Variants in NUP210 observed in about 807,000 individuals in gnomAD.
NUP210 encodes nuclear pore membrane glycoprotein 210.
NUP210 carries 151 observed loss-of-function variants against 196.0 expected under a neutral mutation model. That is an observed-to-expected ratio of 0.77 (90% CI 0.67 to 0.88). The LOEUF is 0.88. Ranked by LOEUF, NUP210 falls within the 40% of genes least tolerant of loss-of-function variation. The pLI is 0.00. For missense variants in NUP210, 2,314 were observed against 2,493.7 expected (o/e 0.93, Z 1.53); for synonymous variants, 1,070 against 1,052.7 (o/e 1.02, Z -0.32).
intron 13 of NUP210, among the ~76,000 whole-genome samples, chr3:13,369,585 T>C (rs1208031406): frequency 6.6e-6 from 1 of 152,228 alleles, no homozygotes; most frequent in African/African-American, 2.4e-5. Context: ...TGACTTAATT[T>C]TTGTGTTTGG....
intron 1 of NUP210, among the ~76,000 whole-genome samples, chr3:13,404,627 G>T (rs1699944848): frequency 1.3e-5 from 2 of 152,284 alleles, no homozygotes; most frequent in Middle Eastern, 3.4e-3. Flanking sequence ...CAGAGGCCAG[G>T]CTAGGACACA....
At chr3:13,368,766 CCTT>C (rs1474663423) in intron 13 of NUP210, among the ~76,000 whole-genome samples, 1 of 152,200 alleles carries the variant, frequency 6.6e-6, no homozygotes, top group Non-Finnish European at 1.5e-5. Context: ...GAATTTCCTT[CCTT>C]CTTAAGGCTG....
chr3:13,335,585 T>A lies in NUP210; in HGVS notation c.3712A>T (p.Asn1238Tyr). 2 of 1,614,108 alleles carry A rather than the reference T, an allele frequency of 1.2e-6. No individual in the cohort carries two copies. The highest frequency in any genetic ancestry group is 1.1e-5 in the South Asian group (1 of 91,090). The change falls in exon 28 of 40, where the codon AAC (asparagine) becomes TAC (tyrosine). Residue 1238 changes from asparagine (N) to tyrosine (Y), a missense_variant. By Grantham distance (143) the Asn-to-Tyr change is moderately radical. Coordinates refer to ENST00000254508, the MANE Select transcript of NUP210 (RefSeq NM_024923.4). ...CGGCCGAGCACGTTCATGGCAAAGT[T>A]GTACTGTGACGGGAGTCGGATCGAC... ...EASIRLPSQY[N>Y]FAMNVLGRVK...
intron 11 of NUP210, among the ~76,000 whole-genome samples, chr3:13,375,043 G>A (rs773959793): frequency 6.6e-6 from 1 of 151,964 alleles, no homozygotes; most frequent in South Asian, 2.1e-4. Context: ...CTCTAAGGGT[G>A]TGTGTATATA....
At chr3:13,354,436 G>A in intron 16 of NUP210, 1 of 326,654 alleles carries the variant, frequency 3.1e-6, no homozygotes, top group South Asian at 3.5e-5. Context: ...GGTCCATGAT[G>A]CTGCTAAACA....
intron 2 of NUP210, among the ~76,000 whole-genome samples, chr3:13,398,545 A>G (rs1472390584): frequency 6.6e-6 from 1 of 152,258 alleles, no homozygotes; most frequent in Non-Finnish European, 1.5e-5. Flanking sequence ...ATTTATTTTT[A>G]TATGTAACAC....
intron 30 of NUP210, among the ~76,000 whole-genome samples, chr3:13,329,540 G>A (rs1368262833): frequency 6.6e-6 from 1 of 152,212 alleles, no homozygotes; most frequent in East Asian, 1.9e-4. Flanking sequence ...TACAGCTAGT[G>A]CTCAGTACAT....
chr3:13,343,339 T>TGGGGGGGGTGGGGGGGGGGGGGGTGGG, intron 20 of NUP210, 36 bp from the exon 21 acceptor site: 1 of 282,518 alleles, frequency 3.5e-6, no homozygotes, highest in East Asian at 8.4e-5. Flanking sequence ...GGGTGGGTGG[T>TGGGGGGGGTGGGGGGGGGGGGGGTGGG]GGGTTACGCA....
intron 1 of NUP210, among the ~76,000 whole-genome samples, chr3:13,413,444 T>C (rs1479703752): frequency 6.6e-6 from 1 of 150,624 alleles, no homozygotes; most frequent in Non-Finnish European, 1.5e-5. Context: ...CACTCCAGCC[T>C]GGGCGACAGA....
At chr3:13,404,893 G>A (rs1320227328) in intron 1 of NUP210, among the ~76,000 whole-genome samples, 1 of 152,176 alleles carries the variant, frequency 6.6e-6, no homozygotes, top group Non-Finnish European at 1.5e-5. Flanking sequence ...GAGGGAGGGT[G>A]GGTAATTCTT....
chr3:13,385,577 G>A (rs375965), intron 6 of NUP210, among the ~76,000 whole-genome samples: 1 of 152,244 alleles, frequency 6.6e-6, no homozygotes, highest in Non-Finnish European at 1.5e-5. Flanking sequence ...CTGGAGAAGG[G>A]CAGTGGCTTG....
rs530716871 is a variant in NUP210 at position 13,379,163 on chromosome 3, C to T, written c.977-183G>A. Among the ~76,000 whole-genome samples, 5 of 152,324 alleles carry T rather than the reference C, an allele frequency of 3.3e-5. No individual in the cohort carries two copies. Among genetic ancestry groups the T allele is most frequent in the African/African-American group, 1.2e-4 (5 of 41,568 alleles). ...CTTTTCAGAATCAAAGGCCACACTG[C>T]GCTTGCCACACTAGCAAAGGGGAAT... On this transcript the variant is annotated intron_variant, in intron 7 of 39. Transcript: ENST00000254508. The surrounding 1 kb of genome is among the most constrained non-coding windows in gnomAD (Gnocchi z 4.2).
intron 12 of NUP210, among the ~76,000 whole-genome samples, chr3:13,372,682 C>G (rs768742684): frequency 2.6e-5 from 4 of 152,162 alleles, no homozygotes; most frequent in African/African-American, 9.7e-5. Flanking sequence ...ACTAGAATCC[C>G]ACCTCCTGGT....
chr3:13,399,006 C>T (rs1195093622), intron 2 of NUP210, among the ~76,000 whole-genome samples: 2 of 152,098 alleles, frequency 1.3e-5, no homozygotes, highest in East Asian at 1.9e-4. Context: ...CGGTAGCTCC[C>T]GCCTGTAATC....
In NUP210 at chr3:13,420,146, C is replaced by G. The variant is rs373443234; in HGVS notation, c.81G>C (p.Lys27Asn). The change falls in exon 1 of 40, where the codon AAG becomes AAC. Residue 27 changes from lysine to asparagine, a missense_variant. Physicochemically the swap from Lys to Asn is moderately conservative, Grantham distance 94. Coordinates refer to ENST00000254508, the MANE Select transcript of NUP210 (RefSeq NM_024923.4). The surrounding 1 kb of genome is among the most constrained non-coding windows in gnomAD (Gnocchi z 4.8). Reference sequence around the variant, plus strand: ...GCAGCAGCACTTTGGGGATGTTGAGCTTGGCCGCAGCGGCGGAGGGGCCCG... The same window carrying G: ...GCAGCAGCACTTTGGGGATGTTGAGGTTGGCCGCAGCGGCGGAGGGGCCCG... ...LAAGPSAAAA[K>N]LNIPKVLLPF... The G allele has an allele frequency of 3.0e-6, 4 of 1,321,804 alleles. No individual in the cohort carries two copies. The highest frequency in any genetic ancestry group is 3.9e-6 in the Non-Finnish European group (4 of 1,016,464). 81.9% of individuals were successfully genotyped at this position (1,321,804 alleles called of 1,614,324 possible). A position where few individuals can be genotyped will look rare whatever the true frequency, so the allele number is the denominator to read the frequency against.
chr3:13,332,206 C>T, intron 29 of NUP210, 87 bp downstream of exon 29: 2 of 1,072,460 alleles, frequency 1.9e-6, no homozygotes, highest in Non-Finnish European at 2.9e-6. Flanking sequence ...TGAAAGTACC[C>T]ATGGCTCCTG....
Position 13,321,649 on chromosome 3 carries a change from C to T in NUP210, c.5102G>A (p.Ser1701Asn), listed in dbSNP as rs1471704224. ...GATCTCGGAACTGGTGTAGTGGTTG[C>T]TCAAAAGGATTTCAGCCTGGTCGGC... The part of the protein sequence containing the change: ...LFADQAEILL[S>N]NHYTSSEIRV... Residue 1701 changes from serine (S) to asparagine (N), a missense_variant, in exon 36 of 40, where the codon AGC (serine) becomes AAC (asparagine). By Grantham distance (46) the Ser-to-Asn change is conservative. Coordinates refer to ENST00000254508, the MANE Select transcript of NUP210 (RefSeq NM_024923.4). The T allele has an allele frequency of 6.2e-7, 1 of 1,614,014 alleles. No individual in the cohort carries two copies. Among genetic ancestry groups the T allele is most frequent in the African/African-American group, 1.3e-5 (1 of 74,914 alleles).
intron 37 of NUP210, 119 bp from the exon 38 acceptor site, chr3:13,319,444 T>C: frequency 1.1e-6 from 1 of 882,748 alleles, no homozygotes; most frequent in East Asian, 2.7e-5. Context: ...GATGTAAGGA[T>C]GGTGGTCTCA....
chr3:13,327,259 C>T lies in NUP210; in HGVS notation c.4465G>A (p.Gly1489Arg). Residue 1489 changes from glycine (G) to arginine (R), a missense_variant, in exon 32 of 40, where the codon GGG (glycine) becomes AGG (arginine). Transcript: ENST00000254508. ...ACAGTGGCCAGACAGAGCACGTCCC[C>T]CACCACCATGGCCCCAGACAGCTCT... ...SPELSGAMVV[G>R]DVLCLATVLT... 6.2e-7 allele frequency: 1 copy of T among 1,613,456 alleles called. No individual in the cohort carries two copies. Among genetic ancestry groups the T allele is most frequent in the Non-Finnish European group, 8.5e-7 (1 of 1,180,024 alleles).
Sources: allele counts gnomAD v4.1 joint callset (sites outside exome capture counted in the v4.1 genomes callset), GRCh38; gene constraint gnomAD v4.1.1; non-coding constraint Gnocchi (gnomAD v3.1); transcripts MANE v1.5; gene names NCBI Gene and HGNC (gene_info 2026-07-23, HGNC 2026-07-21).